The following ATRNL1 variants were observed in gnomAD, a reference collection of about 807,000 sequenced individuals.
ATRNL1 encodes attractin-like protein 1.
Under a neutral mutation model 182.7 loss-of-function variants are expected in ATRNL1, and 95 were observed. That is an observed-to-expected ratio of 0.52 (90% CI 0.44 to 0.62). The LOEUF is 0.62. Ranked by LOEUF, ATRNL1 falls within the 20% of genes least tolerant of loss-of-function variation. The pLI is 0.00. For missense variants in ATRNL1, 1,471 were observed against 1,679.5 expected (o/e 0.88, Z 2.17); for synonymous variants, 576 against 568.3 (o/e 1.01, Z -0.19).
At chr10:115,304,157 G>A (rs1853615279) in intron 17 of ATRNL1, among the ~76,000 whole-genome samples, 1 of 152,104 alleles carries the variant, frequency 6.6e-6, no homozygotes, top group Non-Finnish European at 1.5e-5. Context: ...CCATAACACA[G>A]CTTGTTTCTA....
At position 115,094,006 on chromosome 10, in the gene ATRNL1, G is replaced by T; in HGVS notation, c.256G>T (p.Val86Leu). 1.9e-6 allele frequency: 3 copies of T among 1,577,794 alleles called. No individual in the cohort carries two copies. The highest frequency in any genetic ancestry group is 2.6e-6 in the Non-Finnish European group (3 of 1,163,566). Residue 86 changes from valine (V) to leucine (L), a missense_variant, in exon 1 of 29, where the codon GTG becomes TTG. By Grantham distance (32) the Val-to-Leu change is conservative. Around this residue, in one of 3 missense-constraint regions of ATRNL1, gnomAD observed 1,031 missense variants for 1,156.0 expected, o/e 0.89. Coordinates refer to ENST00000355044, the MANE Select transcript of ATRNL1 (RefSeq NM_207303.4). ...CACCTGCCTCTGCGACCCGGGCTGG[G>T]TGGGGGACCAGTGCCAGCACTGCCA... ...NSTCLCDPGW[V>L]GDQCQHCQGR...
intron 26 of ATRNL1, among the ~76,000 whole-genome samples, chr10:115,626,141 A>C (rs1858081690): frequency 6.6e-6 from 1 of 152,202 alleles, no homozygotes; most frequent in Admixed American, 6.5e-5. Flanking sequence ...CATCATTTTT[A>C]TAACACACAC....
rs1246543078 is a variant in ATRNL1, at chr10:115,947,017, G to GA, written c.*2240dup. On this transcript the variant is annotated 3_prime_UTR_variant, in exon 29 of 29. Coordinates refer to ENST00000355044, the MANE Select transcript of ATRNL1 (RefSeq NM_207303.4). ...AAAACTTGAAAATTCAAATTGTAGA[G>GA]AATTATGAGACACAATGTGATGTTT... 2 of 152,514 alleles carry GA rather than the reference G, an allele frequency of 1.3e-5. No individual in the cohort carries two copies. Among genetic ancestry groups the GA allele is most frequent in the Non-Finnish European group, 2.9e-5 (2 of 68,000 alleles). The allele number at this position is 152,514 out of a possible 1,614,324, so 9.4% of individuals were successfully genotyped here.
intron 18 of ATRNL1, among the ~76,000 whole-genome samples, chr10:115,324,575 G>A (rs1304331455): frequency 4.6e-5 from 7 of 152,180 alleles, no homozygotes; most frequent in Admixed American, 2.6e-4. Flanking sequence ...AATATATGAT[G>A]TGAATTTAAG....
intron 26 of ATRNL1, among the ~76,000 whole-genome samples, chr10:115,600,570 T>G (rs1286212600): frequency 6.6e-6 from 1 of 152,166 alleles, no homozygotes; most frequent in African/African-American, 2.4e-5. Context: ...TTTTTAAAAT[T>G]GACAAAGTAT....
chr10:115,520,483 G>A (rs1340482392), intron 25 of ATRNL1, among the ~76,000 whole-genome samples: 4 of 152,150 alleles, frequency 2.6e-5, no homozygotes, highest in African/African-American at 9.7e-5. Flanking sequence ...GAAACAAATG[G>A]GAGTGGCTGT....
At chr10:115,582,953 T>C (rs1191572080) in intron 26 of ATRNL1, among the ~76,000 whole-genome samples, 2 of 147,762 alleles carry the variant, frequency 1.4e-5, no homozygotes, top group Non-Finnish European at 3.0e-5. Context: ...CAGTTTCAGC[T>C]TTCTACATAT....
At chr10:115,508,114 A>C (rs951957892) in intron 24 of ATRNL1, among the ~76,000 whole-genome samples, 18 of 152,012 alleles carry the variant, frequency 1.2e-4, no homozygotes, top group Admixed American at 1.2e-3. Flanking sequence ...TATTTTTAAA[A>C]TATTTTTATT....
intron 26 of ATRNL1, among the ~76,000 whole-genome samples, chr10:115,579,817 T>G (rs559639848): frequency 3.9e-5 from 6 of 152,132 alleles, no homozygotes; most frequent in African/African-American, 1.4e-4. Flanking sequence ...TCTTGCTTCC[T>G]GCCTCTTTTT....
intron 26 of ATRNL1, among the ~76,000 whole-genome samples, chr10:115,709,293 T>C (rs1946992919): frequency 6.6e-6 from 1 of 151,914 alleles, no homozygotes; most frequent in Admixed American, 6.6e-5. Flanking sequence ...TCGGTATTTG[T>C]TGGCATGTCA....
At chr10:115,365,155 T>C (rs1239634276) in intron 19 of ATRNL1, among the ~76,000 whole-genome samples, 2 of 152,092 alleles carry the variant, frequency 1.3e-5, no homozygotes, top group East Asian at 3.8e-4. Context: ...GGTCCTGGAC[T>C]CTTTTTGGTT....
intron 26 of ATRNL1, among the ~76,000 whole-genome samples, chr10:115,699,493 C>G (rs1227182116): frequency 3.9e-5 from 6 of 151,900 alleles, no homozygotes; most frequent in Admixed American, 3.9e-4. Context: ...ACAACAAACT[C>G]ACATAGAATT....
chr10:115,915,410 AAT>A (rs1555116978), intron 28 of ATRNL1, among the ~76,000 whole-genome samples: 1 of 152,080 alleles, frequency 6.6e-6, no homozygotes, highest in Non-Finnish European at 1.5e-5. Flanking sequence ...AAAAAAAAAA[AAT>A]TTTTTTTGAC....
intron 5 of ATRNL1, among the ~76,000 whole-genome samples, chr10:115,137,557 T>A (rs1021985608): frequency 4.6e-5 from 7 of 152,180 alleles, no homozygotes; most frequent in African/African-American, 1.7e-4. Flanking sequence ...GTGGAAGGCA[T>A]GTCTCACATG....
intron 26 of ATRNL1, among the ~76,000 whole-genome samples, chr10:115,592,078 C>T (rs1484973960): frequency 1.3e-5 from 2 of 152,230 alleles, no homozygotes; most frequent in East Asian, 3.9e-4. Flanking sequence ...GAACAGAAAA[C>T]AAATACTGGA....
chr10:115,160,086 T>C lies in ATRNL1; in HGVS notation c.876T>C (p.Ile292=). ...LNVPSTESYW[I]LPNVKPFSPS... The stretch of plus-strand genomic sequence containing the variant: ...TTCCCTCTACTGAGTCTTACTGGAT[T>C]CTGCCAAACGTTAAACCCTTCAGTC... The change falls in exon 6 of 29, where the codon ATT becomes ATC. Residue 292 remains isoleucine (I), a synonymous_variant. Coordinates refer to ENST00000355044, the MANE Select transcript of ATRNL1 (RefSeq NM_207303.4). 6.2e-7 allele frequency: 1 copy of C among 1,612,600 alleles called. No individual in the cohort carries two copies. The highest frequency in any genetic ancestry group is 8.5e-7 in the Non-Finnish European group (1 of 1,179,144).
intron 28 of ATRNL1, among the ~76,000 whole-genome samples, chr10:115,936,303 CA>C (rs1953556800): frequency 6.6e-6 from 1 of 152,110 alleles, no homozygotes; most frequent in African/African-American, 2.4e-5. Flanking sequence ...ATGACTTGGT[CA>C]AAAGAATTCG....
chr10:115,366,105 G>C (rs1857022719), intron 19 of ATRNL1, among the ~76,000 whole-genome samples: 1 of 152,002 alleles, frequency 6.6e-6, no homozygotes, highest in Non-Finnish European at 1.5e-5. Flanking sequence ...TCTGTCTAAT[G>C]TTGACAGTGG....
At chr10:115,321,835 G>A (rs184432410) in intron 18 of ATRNL1, among the ~76,000 whole-genome samples, 3 of 152,044 alleles carry the variant, frequency 2.0e-5, no homozygotes, top group Non-Finnish European at 4.4e-5. Context: ...GTACCTGTTT[G>A]CAGGTTACAT....
Sources: gnomAD v4.1 joint callset for allele counts (sites outside exome capture counted in the v4.1 genomes callset) on GRCh38, gnomAD v4.1.1 for gene constraint, gnomAD v4.1.1 regional missense constraint, MANE v1.5 for transcripts, NCBI Gene and HGNC (gene_info 2026-07-23, HGNC 2026-07-21) for gene names.